The following ETF1 variants were observed in gnomAD, a reference collection of about 807,000 sequenced individuals.
ETF1 encodes eukaryotic translation termination factor 1.
ETF1 carries 4 observed loss-of-function variants against 55.1 expected under a neutral mutation model. The observed-to-expected ratio is 0.07, with a 90% CI of 0.04 to 0.17. The LOEUF (loss-of-function observed/expected upper bound fraction) is 0.17. ETF1 is among the 10% of genes least tolerant of loss of function. The pLI is 1.00. For synonymous variants in ETF1, 157 were observed against 182.3 expected (o/e 0.86, Z 1.12); for missense variants, 142 against 523.6 (o/e 0.27, Z 7.11).
chr5:138,524,360 A>G (rs1765367364), intron 2 of ETF1, among the ~76,000 whole-genome samples: 1 of 151,784 alleles, frequency 6.6e-6, no homozygotes, highest in South Asian at 2.1e-4. Context: ...CAAAACAACA[A>G]ACCAAAAACC....
intron 2 of ETF1, among the ~76,000 whole-genome samples, chr5:138,538,042 A>AAG (rs1766016919): frequency 6.8e-6 from 1 of 147,258 alleles, no homozygotes; most frequent in Non-Finnish European, 1.5e-5. Context: ...ACAGGCATGC[A>AAG]CCACCATGCC....
At chr5:138,509,607 T>C (rs1764683505) in intron 9 of ETF1, among the ~76,000 whole-genome samples, 1 of 151,722 alleles carries the variant, frequency 6.6e-6, no homozygotes, top group South Asian at 2.1e-4. Context: ...ATAAAAAAAA[T>C]TAGGCTGCCT....
At chr5:138,534,151 C>T (rs1257628413) in intron 2 of ETF1, among the ~76,000 whole-genome samples, 1 of 152,166 alleles carries the variant, frequency 6.6e-6, no homozygotes, top group Non-Finnish European at 1.5e-5. Flanking sequence ...TACAGAATAA[C>T]TCAGATGTCC....
At chr5:138,526,943 G>A (rs188845480) in intron 2 of ETF1, among the ~76,000 whole-genome samples, 69 of 152,086 alleles carry the variant, frequency 4.5e-4, no homozygotes, top group African/African-American at 1.3e-3. Context: ...CTTGTGATCC[G>A]CCCACCTCAG....
chr5:138,542,748 T>C, intron 2 of ETF1, 85 bp downstream of exon 2: 1 of 1,564,576 alleles, frequency 6.4e-7, no homozygotes, highest in East Asian at 2.4e-5. Flanking sequence ...CTGGTTCTCC[T>C]CATCCGGCCA....
intron 2 of ETF1, among the ~76,000 whole-genome samples, chr5:138,540,447 A>G (rs1207781693): frequency 6.6e-6 from 1 of 152,232 alleles, no homozygotes; most frequent in Non-Finnish European, 1.5e-5. Context: ...TAAAGTAGGA[A>G]TAACATTTTC....
rs748611176 is a variant in ETF1 at position 138,510,548 on chromosome 5, A to G, written c.1083+17T>C. On this transcript the variant is annotated intron_variant, in intron 9 of 10. Coordinates refer to ENST00000360541, the MANE Select transcript of ETF1 (RefSeq NM_004730.4). ...TACGCTTGCACGTATCATCAAACCA[A>G]GAAAATAATCACATACCTCTTTGTC... The G allele has an allele frequency of 1.9e-6, 3 of 1,593,772 alleles. No individual in the cohort carries two copies. The highest frequency in any genetic ancestry group is 1.7e-6 in the Non-Finnish European group (2 of 1,161,704).
At chr5:138,525,628 A>G (rs928589154) in intron 2 of ETF1, among the ~76,000 whole-genome samples, 2 of 152,150 alleles carry the variant, frequency 1.3e-5, no homozygotes, top group African/African-American at 4.8e-5. Flanking sequence ...CTGATCTGAT[A>G]TGAACCGAAG....
At chr5:138,539,111 T>C (rs771879235) in intron 2 of ETF1, among the ~76,000 whole-genome samples, 3 of 152,310 alleles carry the variant, frequency 2.0e-5, no homozygotes, top group Non-Finnish European at 2.9e-5. Context: ...CAAGTGTTCA[T>C]TGGATAAGAA....
chr5:138,540,137 A>T (rs1344117814), intron 2 of ETF1, among the ~76,000 whole-genome samples: 1 of 152,222 alleles, frequency 6.6e-6, no homozygotes, highest in Non-Finnish European at 1.5e-5. Flanking sequence ...GATTATCTTA[A>T]TTTCAAAATC....
At chr5:138,512,578 A>T in intron 6 of ETF1, 186 bp downstream of exon 6, 2 of 484,020 alleles carry the variant, frequency 4.1e-6, no homozygotes, top group Non-Finnish European at 7.1e-6. Context: ...ATTTCAGAAG[A>T]GAAGGGGTTC....
chr5:138,517,880 G>C, intron 3 of ETF1, 180 bp from the exon 4 acceptor site: 1 of 985,156 alleles, frequency 1.0e-6, no homozygotes, highest in African/African-American at 1.7e-5. Context: ...AACTTCTTCT[G>C]AGACGTTTCA....
Position 138,508,305 on chromosome 5 carries a change from C to T in ETF1, c.1314G>A (p.Ter438=), listed in dbSNP as rs749923474. 1.9e-6 allele frequency: 3 copies of T among 1,613,436 alleles called. No individual in the cohort carries two copies. Among genetic ancestry groups the T allele is most frequent in the East Asian group, 4.5e-5 (2 of 44,882 alleles). ...DDEFFDLDDY[*] ...GTTTTGCCGGACCCATGTCGACTAC[C>T]TAGTAGTCATCAAGGTCAAAAAATT... The change falls in exon 11 of 11, where the codon TAG becomes TAA. Residue 438 remains the stop codon, a stop_retained_variant. Transcript: ENST00000360541.
intron 4 of ETF1, among the ~76,000 whole-genome samples, chr5:138,516,115 C>T (rs1193813914): frequency 1.3e-5 from 2 of 152,148 alleles, no homozygotes; most frequent in Admixed American, 1.3e-4. Context: ...CCTATGGCAG[C>T]TTTGTCACTC....
At chr5:138,512,731 T>G in intron 6 of ETF1, 33 bp downstream of exon 6, 1 of 1,548,914 alleles carries the variant, frequency 6.5e-7, no homozygotes, top group Non-Finnish European at 8.7e-7. Context: ...CTACCTAGGG[T>G]CTTACATAAT....
chr5:138,512,197 CAAAAAAAAAA>C (rs58386195), intron 6 of ETF1, among the ~76,000 whole-genome samples: 14 of 2,842 alleles, frequency 4.9e-3, no homozygotes, highest in African/African-American at 0.02. Context: ...GACCCAGTCT[CAAAAAAAAAA>C]AAAAAAAAAA....
At chr5:138,517,238 G>A (rs1765058086) in intron 4 of ETF1, among the ~76,000 whole-genome samples, 1 of 151,992 alleles carries the variant, frequency 6.6e-6, no homozygotes, top group Admixed American at 6.6e-5. Flanking sequence ...GGGTGTGGTG[G>A]CATGTGCCTG....
chr5:138,531,152 T>C (rs955509261), intron 2 of ETF1, among the ~76,000 whole-genome samples: 4 of 152,236 alleles, frequency 2.6e-5, no homozygotes, highest in East Asian at 1.9e-4. Flanking sequence ...CCCTCATGAA[T>C]AGATTCATGC....
At chr5:138,531,135 G>A (rs1431829847) in intron 2 of ETF1, among the ~76,000 whole-genome samples, 1 of 152,124 alleles carries the variant, frequency 6.6e-6, no homozygotes, top group African/African-American at 2.4e-5. Flanking sequence ...AGGTTATGAG[G>A]GCTCTGCCCT....
Sources: gnomAD v4.1 joint callset for allele counts (sites outside exome capture counted in the v4.1 genomes callset) on GRCh38, gnomAD v4.1.1 for gene constraint, MANE v1.5 for transcripts, NCBI Gene and HGNC (gene_info 2026-07-23, HGNC 2026-07-21) for gene names.